The following CACNA1B variants were observed in gnomAD, a reference collection of about 807,000 sequenced individuals.
The protein encoded by CACNA1B is calcium voltage-gated channel subunit alpha1 B, also known as voltage-dependent N-type calcium channel subunit alpha-1B.
A neutral mutation model predicts 247.2 loss-of-function variants in CACNA1B; 70 were observed. That is an observed-to-expected ratio of 0.28 (90% CI 0.23 to 0.35). The LOEUF is 0.35. Ranked by LOEUF, CACNA1B falls within the 10% of genes least tolerant of loss-of-function variation. The probability of loss-of-function intolerance (pLI) is 1.00; values close to 1 mark genes in which losing one functional copy is unlikely to be tolerated. For synonymous variants in CACNA1B, 1,231 were observed against 1,294.4 expected (o/e 0.95, Z 1.05); for missense variants, 2,367 against 3,197.4 (o/e 0.74, Z 6.26).
Position 137,913,108 on chromosome 9 carries a change from TG to T in CACNA1B, c.531-69del. On this transcript the variant is annotated intron_variant, in intron 3 of 46. Transcript: ENST00000371372. The surrounding 1 kb of genome is among the most constrained non-coding windows in gnomAD (Gnocchi z 5.2). Reference sequence around the variant, plus strand: ...CTCTTGGGAGACATGACCCTGGTGGTGGGAGGAGTGTGTCCTCTTCCAGGCT... The same window carrying T: ...CTCTTGGGAGACATGACCCTGGTGGTGGAGGAGTGTGTCCTCTTCCAGGCT... The T allele has an allele frequency of 8.6e-7, 1 of 1,162,872 alleles. No individual in the cohort carries two copies. Among genetic ancestry groups the T allele is most frequent in the Non-Finnish European group, 1.3e-6 (1 of 781,444 alleles). 72.0% of individuals were successfully genotyped at this position (1,162,872 alleles called of 1,614,324 possible).
chr9:138,114,280 G>A (rs1263594155), intron 40 of CACNA1B, 98 bp from the exon 41 acceptor site: 2 of 667,934 alleles, frequency 3.0e-6, no homozygotes, highest in Non-Finnish European at 5.5e-6. Flanking sequence ...TGTGGGGGGC[G>A]AGGGAGGGGC....
chr9:137,935,797 C>T (rs571629453), intron 6 of CACNA1B, among the ~76,000 whole-genome samples: 37 of 151,236 alleles, frequency 2.4e-4, no homozygotes, highest in Non-Finnish European at 4.9e-4. Flanking sequence ...TTTTTTTTGA[C>T]GGAGTCTCAC....
chr9:138,097,464 A>G (rs894448925), intron 37 of CACNA1B, among the ~76,000 whole-genome samples: 2 of 151,858 alleles, frequency 1.3e-5, no homozygotes, highest in Non-Finnish European at 2.9e-5. Context: ...TCCTTCCATC[A>G]CTCGTTCCTC....
chr9:137,883,471 G>T (rs1956958295), intron 3 of CACNA1B, among the ~76,000 whole-genome samples: 1 of 151,876 alleles, frequency 6.6e-6, no homozygotes, highest in African/African-American at 2.4e-5. Context: ...GCTTGTGATT[G>T]CCAAAGTAAC....
Position 138,053,832 on chromosome 9 carries a change from CCCT to C in CACNA1B, c.3808-7_3808-5del. 6.2e-7 allele frequency: 1 copy of C among 1,609,164 alleles called. No homozygotes were observed. The highest frequency in any genetic ancestry group is 2.2e-5 in the East Asian group (1 of 44,810). ...TTCCACCCCCTCATCATGGCTCCAC[CCCT>C]CCTCCTGCAGGCTGTGTTTGACTGT... On this transcript the variant is annotated splice_polypyrimidine_tract_variant and intron_variant, in intron 25 of 46. Coordinates refer to ENST00000371372, the MANE Select transcript of CACNA1B (RefSeq NM_000718.4).
intron 23 of CACNA1B, 127 bp downstream of exon 23, chr9:138,047,585 G>C: frequency 2.9e-6 from 2 of 679,272 alleles, no homozygotes; most frequent in South Asian, 1.8e-5. Flanking sequence ...AGGTGTGTGC[G>C]TACTGGGTGT....
At chr9:138,068,829 C>T (rs938085742) in intron 31 of CACNA1B, among the ~76,000 whole-genome samples, 1 of 152,194 alleles carries the variant, frequency 6.6e-6, no homozygotes, top group South Asian at 2.1e-4. Context: ...AGGGAAACCT[C>T]CCCACACCCC....
chr9:137,968,800 GCCCTATTCTCAGCAGTA>G lies in CACNA1B; in HGVS notation c.1334-2581_1334-2565del, dbSNP rs1444724865. Reference sequence around the variant, plus strand: ...AAATCTAAGTATTTGCAGCAGTCAGGCCCTATTCTCAGCAGTACTTCACTGTGTCATCATTCATAGGT... The same window carrying G: ...AAATCTAAGTATTTGCAGCAGTCAGGCTTCACTGTGTCATCATTCATAGGT... On this transcript the variant is annotated intron_variant, in intron 10 of 46. Transcript: ENST00000371372. Among the ~76,000 whole-genome samples the G allele has an allele frequency of 3.9e-5, 6 of 152,198 alleles. No individual in the cohort carries two copies. In the East Asian group the frequency reaches 1.2e-3, roughly 29 times the overall value.
chr9:137,991,021 A>G (rs1205754202), intron 15 of CACNA1B, among the ~76,000 whole-genome samples: 1 of 152,214 alleles, frequency 6.6e-6, no homozygotes, highest in African/African-American at 2.4e-5. Context: ...TAATATGACA[A>G]AACAAGGTTC....
chr9:138,094,562 G>T (rs1960998230), intron 36 of CACNA1B, among the ~76,000 whole-genome samples: 1 of 151,824 alleles, frequency 6.6e-6, no homozygotes, highest in African/African-American at 2.4e-5. Flanking sequence ...CTTATATCAT[G>T]GTCAAATATG....
intron 3 of CACNA1B, among the ~76,000 whole-genome samples, chr9:137,896,465 A>G (rs1957174639): frequency 6.6e-6 from 1 of 152,184 alleles, no homozygotes. Flanking sequence ...AACTAGGGAT[A>G]CATCCCTGGA....
At chr9:137,956,653 CAAA>C (rs879084940) in intron 8 of CACNA1B, 115 bp from the exon 9 acceptor site, 5,285 of 494,254 alleles carry the variant, frequency 0.011, no homozygotes, top group South Asian at 0.017. Context: ...GACTCCATCT[CAAA>C]AAAAAAAAAA....
intron 10 of CACNA1B, among the ~76,000 whole-genome samples, chr9:137,962,615 T>G (rs530562574): frequency 3.0e-4 from 45 of 152,340 alleles, no homozygotes; most frequent in Middle Eastern, 3.4e-3. Context: ...AAAGAACTTT[T>G]TGATTTCTGC....
In CACNA1B at chr9:137,984,263, C is replaced by A; in HGVS notation, c.1769+13C>A. The A allele has an allele frequency of 1.3e-6, 2 of 1,542,670 alleles. No homozygotes were observed. Among genetic ancestry groups the A allele is most frequent in the Non-Finnish European group, 1.8e-6 (2 of 1,135,142 alleles). The stretch of plus-strand genomic sequence containing the variant: ...TCAAAGTCACGAAGTACGTCCCCTG[C>A]GCTCCCAGGCGAGGGCAGGTGTAGG... On this transcript the variant is annotated intron_variant, in intron 13 of 46. Transcript: ENST00000371372.
intron 13 of CACNA1B, among the ~76,000 whole-genome samples, chr9:137,985,049 G>C (rs1226250017): frequency 1.3e-5 from 2 of 152,176 alleles, no homozygotes; most frequent in Non-Finnish European, 2.9e-5. Context: ...ATGGACTTTG[G>C]TGTGTGTCCT....
intron 8 of CACNA1B, among the ~76,000 whole-genome samples, chr9:137,956,119 C>T (rs925312649): frequency 2.6e-5 from 4 of 152,170 alleles, no homozygotes; most frequent in African/African-American, 9.7e-5. Flanking sequence ...TTTGTCAAGC[C>T]TGGACTCCCT....
intron 12 of CACNA1B, among the ~76,000 whole-genome samples, chr9:137,978,356 C>T (rs1232870154): frequency 2.2e-5 from 3 of 135,044 alleles, no homozygotes; most frequent in Non-Finnish European, 4.7e-5. Flanking sequence ...AGGGTGGGAG[C>T]ACCACCCCTC....
intron 10 of CACNA1B, among the ~76,000 whole-genome samples, chr9:137,965,815 C>A (rs1023803991): frequency 1.3e-5 from 2 of 152,168 alleles, no homozygotes; most frequent in Admixed American, 6.5e-5. Flanking sequence ...TGAACTCTGA[C>A]CTCATGATCC....
chr9:138,028,346 T>C (rs1205393990), intron 20 of CACNA1B, among the ~76,000 whole-genome samples: 2 of 152,170 alleles, frequency 1.3e-5, no homozygotes, highest in African/African-American at 4.8e-5. Flanking sequence ...TGGTAAAACA[T>C]TATAATGTGT....
Sources: allele counts gnomAD v4.1 joint callset (sites outside exome capture counted in the v4.1 genomes callset), GRCh38; gene constraint gnomAD v4.1.1; non-coding constraint Gnocchi (gnomAD v3.1); transcripts MANE v1.5; gene names NCBI Gene and HGNC (gene_info 2026-07-23, HGNC 2026-07-21).